The following OR5D3 variants were observed in gnomAD, a reference collection of about 807,000 sequenced individuals.
OR5D3 encodes olfactory receptor 5D3.
chr11:55,729,497 A>G, the OR5D3 span: 13 of 152,112 alleles, frequency 8.5e-5, no homozygotes, highest in Non-Finnish European at 1.6e-4. Context: ...TATCTGGACC[A>G]TTTTATGTAA....
At chr11:55,726,589 G>T in the OR5D3 span, 1 of 404,388 alleles carries the variant, frequency 2.5e-6, no homozygotes. Context: ...ATTTGTGGCA[G>T]TGTGTAACCC....
the OR5D3 span, among the ~76,000 whole-genome samples, chr11:55,724,793 A>G: frequency 1.3e-5 from 2 of 152,058 alleles, no homozygotes; most frequent in Non-Finnish European, 2.9e-5. Flanking sequence ...ACTGGGAAAT[A>G]CAGTCATAAT....
the OR5D3 span, chr11:55,726,804 G>A: frequency 1.0e-5 from 4 of 398,826 alleles, no homozygotes; most frequent in African/African-American, 4.1e-5. Flanking sequence ...TGAGCCAGAA[G>A]GTCATTTTAG....
At chr11:55,729,424 A>T in the OR5D3 span, 3 of 152,030 alleles carry the variant, frequency 2.0e-5, no homozygotes, top group Non-Finnish European at 4.4e-5. Flanking sequence ...CATATGCACA[A>T]TACTAAAGCA....
chr11:55,726,368 A>G, the OR5D3 span: 1 of 470,758 alleles, frequency 2.1e-6, no homozygotes, highest in Non-Finnish European at 3.9e-6. Context: ...ATCAGGATCA[A>G]CCCCAAACTC....
the OR5D3 span, chr11:55,724,054 G>T: frequency 2.5e-6 from 1 of 397,064 alleles, no homozygotes. Flanking sequence ...TCTGTATTTA[G>T]GTGAGTTGAT....
chr11:55,727,104 A>G, the OR5D3 span: 1 of 401,764 alleles, frequency 2.5e-6, no homozygotes, highest in Non-Finnish European at 4.4e-6. Context: ...ACAAAGATGT[A>G]AAAGAGACAG....
At chr11:55,724,975 G>C in the OR5D3 span, among the ~76,000 whole-genome samples, 1 of 151,978 alleles carries the variant, frequency 6.6e-6, no homozygotes, top group African/African-American at 2.4e-5. Flanking sequence ...TTATGACTTA[G>C]ACTAAAGCCA....
At chr11:55,726,792 C>T in the OR5D3 span, 7 of 398,846 alleles carry the variant, frequency 1.8e-5, no homozygotes, top group East Asian at 3.6e-5. Flanking sequence ...CTGACCCCTA[C>T]ATGAGCCAGA....
chr11:55,725,757 T>C, the OR5D3 span, among the ~76,000 whole-genome samples: 1 of 152,074 alleles, frequency 6.6e-6, no homozygotes, highest in African/African-American at 2.4e-5. Context: ...CTGTTAAATT[T>C]ACCATTTTAC....
At chr11:55,728,395 C>A in the OR5D3 span, 1 of 152,098 alleles carries the variant, frequency 6.6e-6, no homozygotes, top group African/African-American at 2.4e-5. Flanking sequence ...ACATTTACAT[C>A]TTTAAACACA....
chr11:55,728,792 A>G, the OR5D3 span: 1 of 152,054 alleles, frequency 6.6e-6, no homozygotes, highest in African/African-American at 2.4e-5. Context: ...AGAATACAGC[A>G]AAAGTAACAG....
the OR5D3 span, chr11:55,726,810 T>C: frequency 2.5e-6 from 1 of 399,040 alleles, no homozygotes; most frequent in Non-Finnish European, 4.4e-6. Flanking sequence ...AGAAGGTCAT[T>C]TTAGTTTCTG....
the OR5D3 span, chr11:55,726,075 T>A: frequency 2.5e-6 from 1 of 395,968 alleles, no homozygotes; most frequent in Admixed American, 4.4e-5. Flanking sequence ...TTTGAAATAA[T>A]TTGACAGTGG....
At chr11:55,724,028 G>T in the OR5D3 span, 1 of 397,956 alleles carries the variant, frequency 2.5e-6, no homozygotes, top group East Asian at 3.6e-5. Flanking sequence ...TTCAGTAAAT[G>T]AATCACTCAG....
the OR5D3 span, chr11:55,727,153 A>G: frequency 2.5e-6 from 1 of 398,848 alleles, no homozygotes; most frequent in Non-Finnish European, 4.4e-6. Context: ...ATGTCATAAA[A>G]TGTAATGCTA....
chr11:55,726,898 C>T, the OR5D3 span: 282 of 399,208 alleles, frequency 7.1e-4, no homozygotes, highest in Middle Eastern at 9.4e-3. Context: ...CATGAAGATG[C>T]CTTCCACTGG....
chr11:55,726,718 T>G, the OR5D3 span: 2 of 399,100 alleles, frequency 5.0e-6, no homozygotes, highest in East Asian at 3.6e-5. Context: ...TTTATCTTTT[T>G]GTAGGACTAA....
the OR5D3 span, chr11:55,727,657 A>AT: frequency 6.6e-6 from 1 of 152,076 alleles, no homozygotes; most frequent in Non-Finnish European, 1.5e-5. Flanking sequence ...AGAATCTGGT[A>AT]AAGTTAAGTT....
Sources: allele counts gnomAD v4.1 joint callset (sites outside exome capture counted in the v4.1 genomes callset), GRCh38; gene constraint gnomAD v4.1.1; transcripts MANE v1.5; gene names NCBI Gene and HGNC (gene_info 2026-07-23, HGNC 2026-07-21).